C12orf42: variants seen among roughly 807,000 people sequenced by gnomAD.
C12orf42 encodes the protein uncharacterized protein C12orf42.
C12orf42 carries 25 observed loss-of-function variants against 21.6 expected under a neutral mutation model. The observed-to-expected ratio is 1.16, with a 90% CI of 0.84 to 1.62. The LOEUF (loss-of-function observed/expected upper bound fraction) is 1.62, where lower values mean the gene tolerates loss of function less well. Among genes scored for constraint, C12orf42 ranks in the 40% most tolerant of loss-of-function variants. The probability of loss-of-function intolerance (pLI) is 0.00; values close to 1 mark genes in which losing one functional copy is unlikely to be tolerated. For missense variants in C12orf42, 483 were observed against 459.3 expected (o/e 1.05, Z -0.47); for synonymous variants, 174 against 175.0 (o/e 0.99, Z 0.05).
At chr12:103,348,575 A>G (rs2042835554) in intron 4 of C12orf42, among the ~76,000 whole-genome samples, 1 of 152,348 alleles carries the variant, frequency 6.6e-6, no homozygotes, top group Middle Eastern at 3.4e-3. Context: ...ACCTATAAGC[A>G]TAATAGGTAC....
chr12:103,126,737 G>GT, the C12orf42 span, among the ~76,000 whole-genome samples: 1 of 149,818 alleles, frequency 6.7e-6, no homozygotes, highest in Admixed American at 6.7e-5. Context: ...ATAACAGTTC[G>GT]TTTTTTCCGA....
In C12orf42 at chr12:103,261,001, C is replaced by A. The variant is rs1431696887; in HGVS notation, c.*1366+2325G>T. Among the ~76,000 whole-genome samples, 7 of 152,010 alleles carry A rather than the reference C, an allele frequency of 4.6e-5. No homozygotes were observed. In the South Asian group the frequency reaches 8.3e-4, roughly 18 times the overall value. On this transcript the variant is annotated intron_variant and NMD_transcript_variant, in intron 10 of 10. Coordinates refer to the C12orf42 transcript ENST00000547347. ...TTTTGCACTTAGGATAAATATAACA[C>A]CTCCTGCAAAATTTCTTAGTTGTAT...
At chr12:103,343,097 A>G (rs561204440) in intron 4 of C12orf42, among the ~76,000 whole-genome samples, 1 of 152,352 alleles carries the variant, frequency 6.6e-6, no homozygotes, top group Non-Finnish European at 1.5e-5. Context: ...GGGACTTAAC[A>G]AAATTTAAAA....
the C12orf42 span, among the ~76,000 whole-genome samples, chr12:103,103,023 C>A: frequency 2.6e-5 from 4 of 152,190 alleles, no homozygotes; most frequent in South Asian, 8.3e-4. Context: ...TCCAGACCAA[C>A]AGAAACACAT....
At chr12:103,059,494 T>G in the C12orf42 span, among the ~76,000 whole-genome samples, 2 of 152,322 alleles carry the variant, frequency 1.3e-5, no homozygotes, top group Middle Eastern at 3.4e-3. Flanking sequence ...AGTATCATCC[T>G]GATACCAAAA....
intron 4 of C12orf42, among the ~76,000 whole-genome samples, chr12:103,352,424 A>G (rs1038094997): frequency 1.3e-5 from 2 of 152,198 alleles, no homozygotes; most frequent in African/African-American, 4.8e-5. Context: ...ATATCTTGGT[A>G]TATTTCAAGA....
the C12orf42 span, among the ~76,000 whole-genome samples, chr12:103,520,371 C>T: frequency 6.6e-6 from 1 of 152,040 alleles, no homozygotes; most frequent in African/African-American, 2.4e-5. Context: ...TACACTCCTC[C>T]CAGAATATCT....
At chr12:103,101,702 T>G in the C12orf42 span, among the ~76,000 whole-genome samples, 2 of 152,198 alleles carry the variant, frequency 1.3e-5, no homozygotes, top group African/African-American at 2.4e-5. Context: ...TTGTTGTATT[T>G]TAAACTACCC....
At chr12:103,286,293 T>G (rs903103841) in intron 4 of C12orf42, among the ~76,000 whole-genome samples, 3 of 144,972 alleles carry the variant, frequency 2.1e-5, no homozygotes, top group African/African-American at 7.7e-5. Flanking sequence ...AATAAATAAA[T>G]AAAGTAAAAA....
At chr12:103,385,760 T>C (rs1217971057) in intron 3 of C12orf42, among the ~76,000 whole-genome samples, 1 of 152,184 alleles carries the variant, frequency 6.6e-6, no homozygotes, top group Admixed American at 6.5e-5. Context: ...TTAATTTTGA[T>C]TTTTTTCATA....
chr12:103,153,587 T>C, the C12orf42 span, among the ~76,000 whole-genome samples: 3 of 152,130 alleles, frequency 2.0e-5, no homozygotes, highest in Non-Finnish European at 4.4e-5. Context: ...CTCAAATTCA[T>C]TTATAATCAG....
At chr12:103,230,392 T>C in the C12orf42 span, among the ~76,000 whole-genome samples, 4 of 152,278 alleles carry the variant, frequency 2.6e-5, no homozygotes, top group Admixed American at 2.6e-4. Flanking sequence ...GCAAGCTGGC[T>C]TGGTACCAAG....
At chr12:103,060,052 C>T in the C12orf42 span, among the ~76,000 whole-genome samples, 8 of 152,132 alleles carry the variant, frequency 5.3e-5, no homozygotes, top group Admixed American at 1.3e-4. Flanking sequence ...TCTCTGTTTG[C>T]AGAAGACATG....
chr12:103,307,124 C>G (rs572229547), intron 4 of C12orf42, among the ~76,000 whole-genome samples: 1 of 152,216 alleles, frequency 6.6e-6, no homozygotes, highest in Non-Finnish European at 1.5e-5. Flanking sequence ...TTTTTTAAGT[C>G]ACCCATTTTG....
At chr12:103,068,883 A>C in the C12orf42 span, among the ~76,000 whole-genome samples, 38 of 137,212 alleles carry the variant, frequency 2.8e-4, no homozygotes, top group African/African-American at 9.0e-4. Context: ...CTCTATATAT[A>C]TATATAGATA....
At chr12:103,309,122 C>A (rs767456598) in intron 4 of C12orf42, among the ~76,000 whole-genome samples, 6 of 152,160 alleles carry the variant, frequency 3.9e-5, no homozygotes, top group Admixed American at 1.3e-4. Context: ...TTTCTTATAG[C>A]AGCCCTAGAA....
At chr12:103,215,961 T>C in the C12orf42 span, among the ~76,000 whole-genome samples, 1 of 152,214 alleles carries the variant, frequency 6.6e-6, no homozygotes, top group Non-Finnish European at 1.5e-5. Context: ...GAGTTCATTC[T>C]CACAGAGTGC....
At chr12:103,362,380 C>T (rs1203667848) in intron 4 of C12orf42, among the ~76,000 whole-genome samples, 3 of 152,048 alleles carry the variant, frequency 2.0e-5, no homozygotes, top group South Asian at 2.1e-4. Flanking sequence ...CCAGATCTTC[C>T]CTCTGACATA....
the C12orf42 span, among the ~76,000 whole-genome samples, chr12:103,543,210 A>G: frequency 6.6e-6 from 1 of 152,232 alleles, no homozygotes; most frequent in African/African-American, 2.4e-5. Context: ...ACAGAAATGC[A>G]TAGCTGGAGA....
Sources: gnomAD v4.1 joint callset for allele counts (sites outside exome capture counted in the v4.1 genomes callset) on GRCh38, gnomAD v4.1.1 for gene constraint, MANE v1.5 for transcripts, NCBI Gene and HGNC (gene_info 2026-07-23, HGNC 2026-07-21) for gene names.